The following ZNF385B variants were observed in gnomAD, a reference collection of about 807,000 sequenced individuals.
ZNF385B encodes the protein zinc finger protein 385B.
ZNF385B carries 23 observed loss-of-function variants against 39.2 expected under a neutral mutation model. That is an observed-to-expected ratio of 0.59 (90% CI 0.42 to 0.83). The LOEUF is 0.83. Among genes scored for constraint, ZNF385B ranks in the 40% least tolerant of loss-of-function variants. The probability of loss-of-function intolerance (pLI) is 0.00; values close to 1 mark genes in which losing one functional copy is unlikely to be tolerated. For missense variants in ZNF385B, 552 were observed against 598.9 expected (o/e 0.92, Z 0.82); for synonymous variants, 205 against 222.6 (o/e 0.92, Z 0.70).
At chr2:179,856,381 A>G (rs1416069730) in intron 1 of ZNF385B, among the ~76,000 whole-genome samples, 1 of 151,974 alleles carries the variant, frequency 6.6e-6, no homozygotes, top group Non-Finnish European at 1.5e-5. Flanking sequence ...CCCACATGGC[A>G]TTTTAGTGCT....
intron 4 of ZNF385B, among the ~76,000 whole-genome samples, chr2:179,537,062 G>A (rs536419822): frequency 1.3e-5 from 2 of 151,832 alleles, no homozygotes; most frequent in Admixed American, 1.3e-4. Flanking sequence ...TGCAATCCTA[G>A]CACTTTGGGA....
chr2:179,531,323 G>T (rs530787494), intron 4 of ZNF385B, among the ~76,000 whole-genome samples: 1 of 152,238 alleles, frequency 6.6e-6, no homozygotes, highest in African/African-American at 2.4e-5. Context: ...AAAATGATTT[G>T]TTTGCTGTTT....
At chr2:179,796,801 T>A (rs1044803953) in intron 1 of ZNF385B, among the ~76,000 whole-genome samples, 3 of 152,002 alleles carry the variant, frequency 2.0e-5, no homozygotes, top group African/African-American at 7.2e-5. Context: ...CTGAACAGAG[T>A]AGGCTTGAGC....
At chr2:179,764,697 C>A (rs1272156790) in intron 3 of ZNF385B, among the ~76,000 whole-genome samples, 1 of 152,116 alleles carries the variant, frequency 6.6e-6, no homozygotes, top group Non-Finnish European at 1.5e-5. Flanking sequence ...TTTAACTTTC[C>A]TACTTTCAAA....
intron 1 of ZNF385B, among the ~76,000 whole-genome samples, chr2:179,835,217 C>G (rs1708183030): frequency 1.3e-5 from 2 of 152,126 alleles, no homozygotes; most frequent in African/African-American, 4.8e-5. Context: ...AACGCTTTAG[C>G]AAAAACAAAA....
rs770219234 is a variant in ZNF385B at position 179,524,551 on chromosome 2, C to CAA, written c.442-5915_442-5914dup. 6.6e-4 allele frequency among the ~76,000 whole-genome samples: 40 copies of CAA among 60,986 alleles called. 4 individuals are homozygous for CAA. Among genetic ancestry groups the CAA allele is most frequent in the African/African-American group, 2.4e-3 (31 of 12,896 alleles). 40.0% of individuals were successfully genotyped at this position (60,986 alleles called of 152,430 possible). A position where few individuals can be genotyped will look rare whatever the true frequency, so the allele number is the denominator to read the frequency against. On this transcript the variant is annotated intron_variant, in intron 4 of 9. Transcript: ENST00000410066. ...TGGGTGACAGAGCGAGACTCCGTCT[C>CAA]AAAAAAAAAAAAAAAAAAAAAAAAA...
At chr2:179,488,051 G>A (rs2054787742) in intron 5 of ZNF385B, among the ~76,000 whole-genome samples, 1 of 152,216 alleles carries the variant, frequency 6.6e-6, no homozygotes, top group Non-Finnish European at 1.5e-5. Flanking sequence ...GATAAAGAAT[G>A]AGATAACTTA....
chr2:179,758,559 A>C (rs1703183786), intron 3 of ZNF385B, among the ~76,000 whole-genome samples: 2 of 152,204 alleles, frequency 1.3e-5, no homozygotes, highest in African/African-American at 4.8e-5. Context: ...TAATGTATGA[A>C]TTTTAGAGAG....
intron 5 of ZNF385B, among the ~76,000 whole-genome samples, chr2:179,505,169 A>T (rs2057139617): frequency 6.6e-6 from 1 of 152,116 alleles, no homozygotes; most frequent in Admixed American, 6.6e-5. Context: ...ACCGTGGCAG[A>T]GGTTACTTGA....
intron 3 of ZNF385B, among the ~76,000 whole-genome samples, chr2:179,709,110 C>T (rs947429951): frequency 6.6e-6 from 1 of 152,290 alleles, no homozygotes; most frequent in East Asian, 1.9e-4. Flanking sequence ...GGAAGGAGAA[C>T]AATGAACCTT....
chr2:179,677,000 A>G (rs1047214355), intron 3 of ZNF385B, among the ~76,000 whole-genome samples: 12 of 152,226 alleles, frequency 7.9e-5, no homozygotes, highest in Non-Finnish European at 1.5e-4. Context: ...ACGAAACACC[A>G]CAAGTGTCAG....
chr2:179,820,027 C>G (rs976202452), intron 1 of ZNF385B, among the ~76,000 whole-genome samples: 1 of 152,024 alleles, frequency 6.6e-6, no homozygotes, highest in African/African-American at 2.4e-5. Flanking sequence ...TTTTCAAACA[C>G]CCTTAGAATG....
At chr2:179,564,482 C>T (rs543121674) in intron 3 of ZNF385B, among the ~76,000 whole-genome samples, 1 of 152,312 alleles carries the variant, frequency 6.6e-6, no homozygotes, top group South Asian at 2.1e-4. Flanking sequence ...CAATCACCGT[C>T]TTTCTTTAGT....
At chr2:179,840,860 A>G (rs1051610690) in intron 1 of ZNF385B, among the ~76,000 whole-genome samples, 3 of 152,242 alleles carry the variant, frequency 2.0e-5, no homozygotes, top group Non-Finnish European at 4.4e-5. Context: ...TGAAAAAAAG[A>G]AAAGTTTTCT....
At position 179,829,955 on chromosome 2, in the gene ZNF385B, A is replaced by G. The variant is rs556600582; in HGVS notation, c.-155+31146T>C. On this transcript the variant is annotated intron_variant, in intron 1 of 9. Coordinates refer to ENST00000410066, the MANE Select transcript of ZNF385B (RefSeq NM_152520.6). ...GAAAAGACAAACCAGAGATTGGAAG[A>G]AAATATCAGCAAAACATATATGTGA... Among the ~76,000 whole-genome samples, 4 of 152,378 alleles carry G rather than the reference A, an allele frequency of 2.6e-5. No homozygotes were observed. In the East Asian group the frequency reaches 7.7e-4, roughly 29 times the overall value.
intron 3 of ZNF385B, among the ~76,000 whole-genome samples, chr2:179,728,137 T>C (rs943225869): frequency 3.3e-5 from 5 of 152,124 alleles, no homozygotes; most frequent in Admixed American, 3.3e-4. Context: ...ATAAAATGCA[T>C]ATGATTAAAC....
chr2:179,696,935 G>A (rs1484353554), intron 3 of ZNF385B, among the ~76,000 whole-genome samples: 4 of 152,074 alleles, frequency 2.6e-5, no homozygotes, highest in Non-Finnish European at 4.4e-5. Flanking sequence ...CCACAATGCC[G>A]AAGCTTGGCA....
chr2:179,582,817 T>C (rs902598807), intron 3 of ZNF385B, among the ~76,000 whole-genome samples: 2 of 152,236 alleles, frequency 1.3e-5, no homozygotes, highest in Non-Finnish European at 2.9e-5. Context: ...TATGTTATCA[T>C]GGTAGTTTTG....
chr2:179,521,359 T>TTTTTG (rs1293085234), intron 4 of ZNF385B, among the ~76,000 whole-genome samples: 5 of 146,112 alleles, frequency 3.4e-5, no homozygotes, highest in African/African-American at 1.3e-4. Context: ...GCCAGTTTTT[T>TTTTTG]TTTTTTTTTT....
Sources: gnomAD v4.1 joint callset for allele counts (sites outside exome capture counted in the v4.1 genomes callset) on GRCh38, gnomAD v4.1.1 for gene constraint, MANE v1.5 for transcripts, NCBI Gene and HGNC (gene_info 2026-07-23, HGNC 2026-07-21) for gene names.